CPM: variants seen among roughly 807,000 people sequenced by gnomAD.
CPM encodes the protein renal carboxypeptidase.
Under a neutral mutation model 46.4 loss-of-function variants are expected in CPM, and 35 were observed. The observed-to-expected ratio is 0.75, with a 90% confidence interval of 0.58 to 1.00. The LOEUF is 1.00. CPM is among the 50% of genes least tolerant of loss of function. CPM has a pLI of 0.00. For missense variants in CPM, 422 were observed against 530.4 expected (o/e 0.80, Z 2.01); for synonymous variants, 195 against 195.3 (o/e 1.00, Z 0.01).
chr12:68,928,230 A>G (rs1448502358), intron 2 of CPM, among the ~76,000 whole-genome samples: 2 of 152,226 alleles, frequency 1.3e-5, no homozygotes, highest in Non-Finnish European at 2.9e-5. Context: ...ATCTACAACT[A>G]TCTGATCTTT....
rs765874765 is a variant in CPM, at chr12:68,869,537, G to A, written c.617-42C>T. 208 of 1,546,670 alleles carry A rather than the reference G, an allele frequency of 1.3e-4. No homozygotes were observed. The East Asian group carries it at 4.1e-3, about 31-fold the overall frequency. ...AACCAAGACCTTTAAACTGACTTGAGAGTAAGAGGAAACACAAACACCATA... is the reference window on the plus strand; with the variant it reads ...AACCAAGACCTTTAAACTGACTTGAAAGTAAGAGGAAACACAAACACCATA... On this transcript the variant is annotated intron_variant, in intron 5 of 8. Transcript: ENST00000551568.
intron 1 of CPM, among the ~76,000 whole-genome samples, chr12:68,941,139 C>G (rs1391183810): frequency 6.7e-6 from 1 of 149,706 alleles, no homozygotes; most frequent in East Asian, 2.0e-4. Flanking sequence ...TGTTTTTGTG[C>G]TACAGAAGTA....
intron 1 of CPM, among the ~76,000 whole-genome samples, chr12:68,956,967 A>G (rs1369443795): frequency 1.3e-5 from 2 of 152,152 alleles, no homozygotes; most frequent in South Asian, 4.2e-4. Context: ...CACAAGTCCT[A>G]TGAACAATGG....
At chr12:68,960,117 A>G (rs924202627) in intron 1 of CPM, among the ~76,000 whole-genome samples, 4 of 152,216 alleles carry the variant, frequency 2.6e-5, no homozygotes, top group African/African-American at 9.6e-5. Context: ...TGTTGCTGAT[A>G]GGTGTTGGCC....
At chr12:68,881,373 A>G (rs2136245201) in intron 3 of CPM, among the ~76,000 whole-genome samples, 1 of 152,352 alleles carries the variant, frequency 6.6e-6, no homozygotes, top group South Asian at 2.1e-4. Flanking sequence ...ATAAAAAGAT[A>G]CTGGATTAAA....
rs201845113 is a variant in CPM, at chr12:68,867,987, G to GT, written c.788-940_788-939insA. Among the ~76,000 whole-genome samples the GT allele has an allele frequency of 5.5e-3, 831 of 152,290 alleles. 7 individuals carry two copies. The highest frequency in any genetic ancestry group is 0.017 in the African/African-American group (688 of 41,556). The stretch of plus-strand genomic sequence containing the variant: ...GGCCAGGCCAGGCACATTCTTCTGG[G>GT]CTCCTCAAGGCAGCTGGCTTCACCT... On this transcript the variant is annotated intron_variant, in intron 6 of 8. Coordinates refer to ENST00000551568, the MANE Select transcript of CPM (RefSeq NM_198320.5).
intron 2 of CPM, among the ~76,000 whole-genome samples, chr12:68,896,039 C>T (rs1418504630): frequency 6.6e-6 from 1 of 152,190 alleles, no homozygotes; most frequent in African/African-American, 2.4e-5. Context: ...TGGGATCTGT[C>T]TTCTTCCTGC....
chr12:68,925,857 C>A (rs1272397147), intron 2 of CPM, among the ~76,000 whole-genome samples: 1 of 152,136 alleles, frequency 6.6e-6, no homozygotes, highest in Non-Finnish European at 1.5e-5. Context: ...TAATTTTAAT[C>A]TTCTGCTAGT....
At chr12:68,931,410 C>T (rs529076831) in intron 2 of CPM, among the ~76,000 whole-genome samples, 2 of 152,046 alleles carry the variant, frequency 1.3e-5, no homozygotes, top group Admixed American at 6.5e-5. Context: ...TTTCTGGTAA[C>T]CTCTTTGGGA....
At position 68,870,217 on chromosome 12, in the gene CPM, T is replaced by G; in HGVS notation, c.614A>C (p.Gln205Pro). ...GAACTGGACCCGCACCTGCTTACCT[T>G]GAACACCATTATCAAATGGGTAACT... is the stretch of plus-strand genomic sequence containing the variant. The part of the protein sequence containing the change: ...VASYPFDNGV[Q>P]ATGALYSRSL... Residue 205 changes from glutamine (Q) to proline (P), a missense_variant and splice_region_variant, in exon 5 of 9, where the codon CAA (glutamine) becomes CCA (proline). Physicochemically the swap from Gln to Pro is moderately conservative, Grantham distance 76. Transcript: ENST00000551568. 1 of 1,613,214 alleles carries G rather than the reference T, an allele frequency of 6.2e-7. No homozygotes were observed. Among genetic ancestry groups the G allele is most frequent in the East Asian group, 2.2e-5 (1 of 44,874 alleles).
At chr12:68,910,937 C>T (rs1435202230) in intron 2 of CPM, among the ~76,000 whole-genome samples, 3 of 151,802 alleles carry the variant, frequency 2.0e-5, no homozygotes, top group Non-Finnish European at 4.4e-5. Context: ...CTGTAAAAGA[C>T]ACGGAGGAAT....
chr12:68,958,823 C>T (rs1419911651), intron 1 of CPM, among the ~76,000 whole-genome samples: 1 of 152,186 alleles, frequency 6.6e-6, no homozygotes, highest in Non-Finnish European at 1.5e-5. Context: ...TCCCCGCCTG[C>T]CTCTCATCCC....
chr12:68,918,313 G>C (rs1887894088), intron 2 of CPM, among the ~76,000 whole-genome samples: 1 of 151,930 alleles, frequency 6.6e-6, no homozygotes, highest in African/African-American at 2.4e-5. Context: ...TATTAGTCCT[G>C]CAGGTTTCAA....
intron 3 of CPM, among the ~76,000 whole-genome samples, chr12:68,879,255 T>C (rs747232491): frequency 1.3e-5 from 2 of 152,214 alleles, no homozygotes; most frequent in Non-Finnish European, 2.9e-5. Context: ...ACTCCTACAG[T>C]ACAGTATTTA....
intron 2 of CPM, among the ~76,000 whole-genome samples, chr12:68,924,429 G>C (rs1408477772): frequency 6.7e-6 from 1 of 149,804 alleles, no homozygotes; most frequent in Non-Finnish European, 1.5e-5. Context: ...GGAGTGAGCC[G>C]ACATTGTGAC....
chr12:68,859,194 T>C (rs1885106165), intron 7 of CPM, 123 bp from the exon 8 acceptor site: 1 of 521,426 alleles, frequency 1.9e-6, no homozygotes, highest in South Asian at 8.0e-5. Context: ...GAGTTAATAT[T>C]AAGTGTTAGA....
In CPM at chr12:68,894,556, A is replaced by G. The variant is rs531559303; in HGVS notation, c.161-8667T>C. Among the ~76,000 whole-genome samples the G allele has an allele frequency of 2.0e-5, 3 of 152,264 alleles. No individual in the cohort carries two copies. In the South Asian group the frequency reaches 6.2e-4, roughly 32 times the overall value. On this transcript the variant is annotated intron_variant, in intron 2 of 8. Coordinates refer to ENST00000551568, the MANE Select transcript of CPM (RefSeq NM_198320.5). ...AGCCCCACCTTATTTACATTGTTTT[A>G]GCTTAAAATGGCTTCATTGGATTTT...
intron 3 of CPM, among the ~76,000 whole-genome samples, chr12:68,878,149 T>C (rs1886039221): frequency 6.6e-6 from 1 of 152,200 alleles, no homozygotes; most frequent in Non-Finnish European, 1.5e-5. Flanking sequence ...ATCATAACAG[T>C]GAGAAAATTA....
chr12:68,897,461 T>C (rs1197898961), intron 2 of CPM, among the ~76,000 whole-genome samples: 1 of 152,048 alleles, frequency 6.6e-6, no homozygotes, highest in Non-Finnish European at 1.5e-5. Context: ...AGATCGAGCA[T>C]TACCTTAAAG....
Sources: allele counts gnomAD v4.1 joint callset (sites outside exome capture counted in the v4.1 genomes callset), GRCh38; gene constraint gnomAD v4.1.1; transcripts MANE v1.5; gene names NCBI Gene and HGNC (gene_info 2026-07-23, HGNC 2026-07-21).